The following DOCK2 variants were observed in gnomAD, a reference collection of about 807,000 sequenced individuals.
DOCK2 encodes the protein dedicator of cytokinesis 2, also known as dedicator of cytokinesis protein 2.
In DOCK2, 87 loss-of-function variants were observed where a neutral mutation model predicts 248.9. The ratio of observed to expected loss-of-function variants is 0.35; its 90% CI spans 0.29 to 0.42. The LOEUF is 0.42. Ranked by LOEUF, DOCK2 falls within the 10% of genes least tolerant of loss-of-function variation. The pLI is 1.00. For missense variants in DOCK2, 1,747 were observed against 2,300.2 expected (o/e 0.76, Z 4.92); for synonymous variants, 805 against 821.6 (o/e 0.98, Z 0.35).
intron 22 of DOCK2, among the ~76,000 whole-genome samples, chr5:169,741,227 G>A (rs1014309356): frequency 5.4e-4 from 82 of 152,172 alleles, no homozygotes; most frequent in African/African-American, 1.9e-3. Context: ...GAAGAGGTGG[G>A]GATGGTGGCA....
At chr5:169,892,684 C>A (rs1243601900) in intron 27 of DOCK2, among the ~76,000 whole-genome samples, 1 of 152,224 alleles carries the variant, frequency 6.6e-6, no homozygotes, top group African/African-American at 2.4e-5. Context: ...TCTACCTCCT[C>A]TTCATTTTTA....
chr5:170,045,694 G>A (rs2113848126), intron 38 of DOCK2, 122 bp from the exon 39 acceptor site: 2 of 939,590 alleles, frequency 2.1e-6, no homozygotes, highest in East Asian at 4.8e-5. Context: ...GGGTGGATCT[G>A]GGTCAGAGCA....
intron 27 of DOCK2, chr5:169,881,411 T>C: frequency 6.4e-7 from 1 of 1,551,460 alleles, no homozygotes; most frequent in Non-Finnish European, 8.7e-7. Flanking sequence ...CTGCAATTGT[T>C]GAGATCTTGG....
chr5:169,849,579 A>G (rs1770511934), intron 27 of DOCK2, among the ~76,000 whole-genome samples: 2 of 152,272 alleles, frequency 1.3e-5, no homozygotes, highest in Non-Finnish European at 2.9e-5. Flanking sequence ...TGGTGGTTTT[A>G]TGATGACAAT....
intron 44 of DOCK2, among the ~76,000 whole-genome samples, chr5:170,060,928 G>T (rs779478090): frequency 6.6e-6 from 1 of 152,064 alleles, no homozygotes; most frequent in African/African-American, 2.4e-5. Context: ...TACTCAGAAG[G>T]CTGAGGCAGG....
At chr5:170,044,326 A>G (rs892628171) in intron 38 of DOCK2, among the ~76,000 whole-genome samples, 3 of 152,106 alleles carry the variant, frequency 2.0e-5, no homozygotes, top group African/African-American at 7.2e-5. Context: ...ACACCACACC[A>G]TGCCCAGAAC....
chr5:169,696,366 A>C (rs1481648056), intron 10 of DOCK2, among the ~76,000 whole-genome samples: 1 of 152,204 alleles, frequency 6.6e-6, no homozygotes, highest in Non-Finnish European at 1.5e-5. Context: ...ACATTTGGAG[A>C]ATTGGCGTGA....
intron 44 of DOCK2, among the ~76,000 whole-genome samples, chr5:170,061,223 AG>A (rs142695779): frequency 1.1e-3 from 160 of 152,312 alleles, no homozygotes; most frequent in African/African-American, 3.7e-3. Flanking sequence ...AAAGAAACTG[AG>A]GCTCAGCTTA....
At chr5:169,937,776 G>T (rs940568261) in intron 27 of DOCK2, among the ~76,000 whole-genome samples, 2 of 152,302 alleles carry the variant, frequency 1.3e-5, no homozygotes, top group East Asian at 3.9e-4. Flanking sequence ...AGGTCCTGAG[G>T]GTCCTCATTG....
At chr5:169,760,255 CA>C (rs1764410870) in intron 24 of DOCK2, among the ~76,000 whole-genome samples, 1 of 150,034 alleles carries the variant, frequency 6.7e-6, no homozygotes, top group South Asian at 2.1e-4. Context: ...AGGGGCATTT[CA>C]ATCAGATATA....
At chr5:169,775,694 C>T (rs994251294) in intron 25 of DOCK2, among the ~76,000 whole-genome samples, 4 of 151,274 alleles carry the variant, frequency 2.6e-5, no homozygotes, top group Non-Finnish European at 4.4e-5. Context: ...ATGACTATTG[C>T]CAGAATTCAG....
At chr5:170,026,065 G>T (rs374451129) in intron 33 of DOCK2, among the ~76,000 whole-genome samples, 1 of 151,956 alleles carries the variant, frequency 6.6e-6, no homozygotes, top group Non-Finnish European at 1.5e-5. Context: ...GCAACTCACC[G>T]GAAATTCTTT....
Position 169,702,313 on chromosome 5 carries a change from GA to G in DOCK2, c.1271del (p.Asn424ThrfsTer50), listed in dbSNP as rs1167471707. On this transcript the variant is annotated frameshift_variant, in exon 14 of 52. Coordinates refer to ENST00000520908, the MANE Select transcript of DOCK2 (RefSeq NM_004946.3). LOFTEE classifies it high-confidence loss of function. ...CTCCCTCTGCCTCAGGGGATGTCAG[GA>G]ACGACATCTACATTACTCTCTTACA... ...PEIIMPGDVR[N>X]DIYITLLQGD... 6.2e-7 allele frequency: 1 copy of G among 1,613,668 alleles called. No individual in the cohort carries two copies. Among genetic ancestry groups the G allele is most frequent in the Non-Finnish European group, 8.5e-7 (1 of 1,179,748 alleles).
intron 27 of DOCK2, among the ~76,000 whole-genome samples, chr5:169,924,889 T>A (rs1775355624): frequency 6.6e-6 from 1 of 152,180 alleles, no homozygotes; most frequent in Admixed American, 6.5e-5. Context: ...GATAACTACT[T>A]CCTCTAGAAG....
At position 169,699,424 on chromosome 5, in the gene DOCK2, A is replaced by G. The variant is rs1344594329; in HGVS notation, c.1098A>G (p.Lys366=). Residue 366 remains lysine, a synonymous_variant, in exon 12 of 52, where the codon AAA becomes AAG. Coordinates refer to ENST00000520908, the MANE Select transcript of DOCK2 (RefSeq NM_004946.3). ...ACTTCCTACACAGCCTGCTGGGCAA[A>G]GTCATAGCCTCCAAGGGGGACAGTG... is the stretch of plus-strand genomic sequence containing the variant. ...ENDFLHSLLG[K]VIASKGDSGG... is the part of the protein sequence containing the mutation. The G allele has an allele frequency of 6.2e-7, 1 of 1,613,284 alleles. No individual in the cohort carries two copies. Among genetic ancestry groups the G allele is most frequent in the African/African-American group, 1.3e-5 (1 of 74,886 alleles).
intron 34 of DOCK2, among the ~76,000 whole-genome samples, chr5:170,032,027 CTTT>C (rs11362267): frequency 0.091 from 12,930 of 141,986 alleles, 979 homozygotes; most frequent in African/African-American, 0.21. Flanking sequence ...ACCAGTTGTT[CTTT>C]TTTTTTTTTT....
rs180727009 is a variant in DOCK2, at chr5:170,065,244, A to G, written c.4468-2266A>G. On this transcript the variant is annotated intron_variant, in intron 44 of 51. Coordinates refer to ENST00000520908, the MANE Select transcript of DOCK2 (RefSeq NM_004946.3). Reference sequence around the variant, plus strand: ...CAGGGTAACCACAAAGCAAAAGCCTATAATAGATGTACAAAAGTTAGAAGA... The same window carrying G: ...CAGGGTAACCACAAAGCAAAAGCCTGTAATAGATGTACAAAAGTTAGAAGA... Among the ~76,000 whole-genome samples the G allele has an allele frequency of 6.8e-3, 1,042 of 152,326 alleles. 2 individuals are homozygous for G. Among genetic ancestry groups the G allele is most frequent in the Non-Finnish European group, 0.011 (720 of 68,032 alleles).
intron 19 of DOCK2, among the ~76,000 whole-genome samples, chr5:169,714,931 ATATG>A (rs1235881568): frequency 3.3e-5 from 5 of 152,174 alleles, no homozygotes; most frequent in Non-Finnish European, 5.9e-5. Context: ...ATATGCATAT[ATATG>A]TATGTATGTG....
At chr5:169,757,948 A>G (rs963263176) in intron 23 of DOCK2, among the ~76,000 whole-genome samples, 2 of 152,234 alleles carry the variant, frequency 1.3e-5, no homozygotes, top group African/African-American at 4.8e-5. Flanking sequence ...TGGTTACTGT[A>G]TCTTCCAAGG....
Sources: gnomAD v4.1 joint callset for allele counts (sites outside exome capture counted in the v4.1 genomes callset) on GRCh38, gnomAD v4.1.1 for gene constraint, MANE v1.5 for transcripts, NCBI Gene and HGNC (gene_info 2026-07-23, HGNC 2026-07-21) for gene names.